FAM98A: variants seen among roughly 807,000 people sequenced by gnomAD.
The protein encoded by FAM98A is protein FAM98A.
FAM98A carries 25 observed loss-of-function variants against 62.9 expected under a neutral mutation model. The ratio of observed to expected loss-of-function variants is 0.40; its 90% confidence interval spans 0.29 to 0.56. The LOEUF is 0.56. Ranked by LOEUF, FAM98A falls within the 20% of genes least tolerant of loss-of-function variation. FAM98A has a pLI of 0.51. For synonymous variants in FAM98A, 252 were observed against 228.6 expected, an observed-to-expected ratio of 1.10 and a Z score of -0.92; for missense variants, 653 against 640.7, an observed-to-expected ratio of 1.02 and a Z score of -0.21.
rs781250614 is a variant in FAM98A at position 33,585,397 on chromosome 2, G to A, written c.936C>T (p.Ile312=). The A allele has an allele frequency of 1.5e-5, 24 of 1,613,972 alleles. No individual in the cohort carries two copies. The Middle Eastern group carries it at 4.9e-4, about 33-fold the overall frequency. The change falls in exon 8 of 8, where the codon ATC becomes ATT. Residue 312 remains isoleucine, a synonymous_variant. Transcript: ENST00000238823. ...GTGGCATCTCTGGGGGTGGAGGTTC[G>A]ATTTCATTGGGTCTACCACCTCTGT... ...VPDRGGRPNE[I]EPPPPEMPPW...
intron 1 of FAM98A, among the ~76,000 whole-genome samples, chr2:33,597,505 CTA>C (rs748071584): frequency 3.7e-4 from 57 of 152,100 alleles, no homozygotes; most frequent in Non-Finnish European, 4.4e-4. Flanking sequence ...ACATTACACT[CTA>C]TGTCAAGTAG....
chr2:33,585,617 A>G lies in FAM98A; in HGVS notation c.801T>C (p.His267=). Residue 267 remains histidine (H), a synonymous_variant, in exon 7 of 8, where the codon CAT becomes CAC. Transcript: ENST00000238823. ...LSPKTTISVA[H]LLAARQDLSK... ...ACAAGTCCTGCCTTGCAGCCAAAAGATGGGCAACAGAAATAGTAGTTTTAG... is the reference window on the plus strand; with the variant it reads ...ACAAGTCCTGCCTTGCAGCCAAAAGGTGGGCAACAGAAATAGTAGTTTTAG... 6.2e-7 allele frequency: 1 copy of G among 1,614,182 alleles called. No homozygotes were observed. The highest frequency in any genetic ancestry group is 1.1e-5 in the South Asian group (1 of 91,086).
chr2:33,597,497 A>G (rs1362861542), intron 1 of FAM98A, among the ~76,000 whole-genome samples: 1 of 152,182 alleles, frequency 6.6e-6, no homozygotes, highest in Non-Finnish European at 1.5e-5. Context: ...CATGGTTTAC[A>G]TTACACTCTA....
chr2:33,594,297 C>T (rs1010089117), intron 2 of FAM98A, among the ~76,000 whole-genome samples: 3 of 151,904 alleles, frequency 2.0e-5, no homozygotes, highest in Non-Finnish European at 4.4e-5. Context: ...TCATCCTCCA[C>T]AAACTAACAC....
At chr2:33,597,053 G>A (rs192094312) in intron 1 of FAM98A, among the ~76,000 whole-genome samples, 2 of 151,976 alleles carry the variant, frequency 1.3e-5, no homozygotes, top group Non-Finnish European at 2.9e-5. Flanking sequence ...ATGTAGTCTG[G>A]CATCTAGATT....
chr2:33,596,320 C>T (rs1383012111), intron 1 of FAM98A, among the ~76,000 whole-genome samples: 2 of 152,066 alleles, frequency 1.3e-5, no homozygotes, highest in Non-Finnish European at 2.9e-5. Context: ...ACCAAAGAAA[C>T]GTCAGGTTAG....
At position 33,584,957 on chromosome 2, in the gene FAM98A, C is replaced by T. The variant is rs1447332843; in HGVS notation, c.1376G>A (p.Gly459Asp). ...QDGGHHGDRGGGRGGRGGRGG... is the reference protein window; with the variant it reads ...QDGGHHGDRGDGRGGRGGRGG... ...ACGACCACCTCGCCCACCACGACCA[C>T]CACCACGATCACCATGGTGCCCGCC... The change falls in exon 8 of 8, where the codon GGT becomes GAT. Residue 459 changes from glycine (G) to aspartate (D), a missense_variant. Coordinates refer to ENST00000238823, the MANE Select transcript of FAM98A (RefSeq NM_015475.5). 20 of 1,613,996 alleles carry T rather than the reference C, an allele frequency of 1.2e-5. No individual in the cohort carries two copies. Among genetic ancestry groups the T allele is most frequent in the Non-Finnish European group, 1.5e-5 (18 of 1,180,006 alleles).
chr2:33,583,914 T>C lies in FAM98A; in HGVS notation c.*862A>G, dbSNP rs546878680. ...TGCATTTCTTCCATTACAAAAAAAGTTACCTGCTTAAAGCAAACTAACTTG... is the reference window on the plus strand; with the variant it reads ...TGCATTTCTTCCATTACAAAAAAAGCTACCTGCTTAAAGCAAACTAACTTG... On this transcript the variant is annotated 3_prime_UTR_variant, in exon 8 of 8. Coordinates refer to ENST00000238823, the MANE Select transcript of FAM98A (RefSeq NM_015475.5). 6.5e-6 allele frequency: 1 copy of C among 152,790 alleles called. No homozygotes were observed. The highest frequency in any genetic ancestry group is 6.5e-5 in the Admixed American group (1 of 15,310). 9.5% of individuals were successfully genotyped at this position (152,790 alleles called of 1,614,324 possible). A position where few individuals can be genotyped will look rare whatever the true frequency, so the allele number is the denominator to read the frequency against.
chr2:33,588,537 AG>A lies in FAM98A; in HGVS notation c.338-19del. 1 of 1,606,936 alleles carries A rather than the reference AG, an allele frequency of 6.2e-7. No homozygotes were observed. Among genetic ancestry groups the A allele is most frequent in the Non-Finnish European group, 8.5e-7 (1 of 1,175,926 alleles). On this transcript the variant is annotated intron_variant, in intron 3 of 7. Transcript: ENST00000238823. ...GAGGTATGCTGAAGTAAACAAAATA[AG>A]ATTTCAAAATGAGATACAGCTATAG...
intron 2 of FAM98A, among the ~76,000 whole-genome samples, chr2:33,594,698 T>C (rs1553373156): frequency 1.5e-4 from 2 of 13,624 alleles, no homozygotes; most frequent in East Asian, 6.5e-4. Flanking sequence ...TATATACACA[T>C]ATATATATAC....
chr2:33,583,998 T>C lies in FAM98A; in HGVS notation c.*778A>G, dbSNP rs1677475961. The C allele has an allele frequency of 6.5e-6, 1 of 152,688 alleles. No homozygotes were observed. Among genetic ancestry groups the C allele is most frequent in the Non-Finnish European group, 1.5e-5 (1 of 68,050 alleles). The allele number at this position is 152,688 out of a possible 1,614,324, so 9.5% of individuals were successfully genotyped here. On this transcript the variant is annotated 3_prime_UTR_variant, in exon 8 of 8. Coordinates refer to ENST00000238823, the MANE Select transcript of FAM98A (RefSeq NM_015475.5). ...AAAACAAATTTCGGTTTGCTATTTC[T>C]TCTAGCAAATTTCAAGTAAAAATAA...
intron 2 of FAM98A, among the ~76,000 whole-genome samples, chr2:33,593,998 G>C (rs1401765374): frequency 6.6e-6 from 1 of 152,142 alleles, no homozygotes; most frequent in African/African-American, 2.4e-5. Flanking sequence ...CTCAGAACTT[G>C]ACTACTGTTC....
intron 4 of FAM98A, 85 bp downstream of exon 4, chr2:33,588,250 A>G: frequency 1.9e-6 from 2 of 1,065,620 alleles, no homozygotes; most frequent in Non-Finnish European, 2.8e-6. Flanking sequence ...GGTTCCCATT[A>G]AGAGAAATTA....
chr2:33,587,718 T>C (rs747247025), intron 4 of FAM98A: 3 of 201,738 alleles, frequency 1.5e-5, no homozygotes, highest in Non-Finnish European at 3.1e-5. Context: ...GATAAGCGTA[T>C]AGGGAATAAC....
At chr2:33,593,272 G>C (rs1677717005) in intron 2 of FAM98A, among the ~76,000 whole-genome samples, 1 of 152,134 alleles carries the variant, frequency 6.6e-6, no homozygotes, top group Non-Finnish European at 1.5e-5. Flanking sequence ...AGTTGTCGTG[G>C]CACATGCCTG....
chr2:33,594,368 A>G (rs1677741608), intron 2 of FAM98A, among the ~76,000 whole-genome samples: 1 of 151,864 alleles, frequency 6.6e-6, no homozygotes, highest in Non-Finnish European at 1.5e-5. Flanking sequence ...AAATGAGAAC[A>G]CATGGACACA....
chr2:33,586,759 T>C, intron 5 of FAM98A, 81 bp from the exon 6 acceptor site: 1 of 844,178 alleles, frequency 1.2e-6, no homozygotes. Context: ...TACGTCTGTG[T>C]CATTCATAAC....
chr2:33,586,527 A>G, intron 6 of FAM98A, 35 bp downstream of exon 6: 1 of 1,348,924 alleles, frequency 7.4e-7, no homozygotes, highest in Non-Finnish European at 1.1e-6. Context: ...TCATGTCTAT[A>G]AATAGTCTGC....
chr2:33,594,898 T>C (rs1051424172), intron 2 of FAM98A, among the ~76,000 whole-genome samples: 1 of 152,162 alleles, frequency 6.6e-6, no homozygotes, highest in Non-Finnish European at 1.5e-5. Context: ...TTCCAAGCTT[T>C]TGCCTCTTTT....
Sources: allele counts gnomAD v4.1 joint callset (sites outside exome capture counted in the v4.1 genomes callset), GRCh38; gene constraint gnomAD v4.1.1; transcripts MANE v1.5; gene names NCBI Gene and HGNC (gene_info 2026-07-23, HGNC 2026-07-21).